CAMTA1: variants seen among roughly 807,000 people sequenced by gnomAD.
CAMTA1 encodes calmodulin binding transcription activator 1, also known as calmodulin-binding transcription activator 1.
CAMTA1 carries 27 observed loss-of-function variants against 170.9 expected under a neutral mutation model. That is an observed-to-expected ratio of 0.16 (90% CI 0.12 to 0.22). CAMTA1 has a LOEUF of 0.22. Ranked by LOEUF, CAMTA1 falls within the 10% of genes least tolerant of loss-of-function variation. The pLI, the probability that CAMTA1 is intolerant of heterozygous loss-of-function variation, is 1.00. For missense variants in CAMTA1, 1,619 were observed against 2,217.2 expected, an observed-to-expected ratio of 0.73 and a Z score of 5.42; for synonymous variants, 833 against 891.5, an observed-to-expected ratio of 0.93 and a Z score of 1.17.
intron 6 of CAMTA1, among the ~76,000 whole-genome samples, chr1:7,489,956 C>T (rs1557799600): frequency 6.6e-6 from 1 of 152,130 alleles, no homozygotes; most frequent in Non-Finnish European, 1.5e-5. Flanking sequence ...TCAGCGGTTA[C>T]GGGAGGGCAC....
intron 3 of CAMTA1, among the ~76,000 whole-genome samples, chr1:6,966,088 C>T (rs1297577831): frequency 6.6e-6 from 1 of 152,088 alleles, no homozygotes; most frequent in Admixed American, 6.6e-5. Flanking sequence ...GGCCAGGTGC[C>T]TGTCACAGGC....
Position 7,610,006 on chromosome 1 carries a change from G to A in CAMTA1, c.511-30394G>A, listed in dbSNP as rs578095397. 2.6e-5 allele frequency among the ~76,000 whole-genome samples: 4 copies of A among 152,348 alleles called. No individual in the cohort carries two copies. The South Asian group carries it at 8.3e-4, about 32-fold the overall frequency. ...CCTGCCGGGTCTGTCCACACTGTGT[G>A]TGCACTCACAGGAGGGAGCTGTGCA... is the stretch of plus-strand genomic sequence containing the variant. On this transcript the variant is annotated intron_variant, in intron 6 of 22. Transcript: ENST00000303635.
chr1:7,325,851 TTTGTTTG>T lies in CAMTA1; in HGVS notation c.438+76228_438+76234del, dbSNP rs1679187464. Among the ~76,000 whole-genome samples the T allele has an allele frequency of 9.7e-6, 1 of 102,746 alleles. No individual in the cohort carries two copies. The highest frequency in any genetic ancestry group is 2.4e-5 in the Non-Finnish European group (1 of 42,206). The allele number at this position is 102,746 out of a possible 152,430, so 67.4% of individuals were successfully genotyped here. On this transcript the variant is annotated intron_variant, in intron 5 of 22. Coordinates refer to ENST00000303635, the MANE Select transcript of CAMTA1 (RefSeq NM_015215.4). This position sits in a 1 kb window ranked among gnomAD's most constrained non-coding sequence, Gnocchi z 5.0. ...GTTTGGTTTGTTGTTGGTGGGTTTT[TTTGTTTG>T]TTTGTTTGTTTGTTTTATGAGGCAG...
chr1:7,197,439 A>G (rs545063537), intron 4 of CAMTA1, among the ~76,000 whole-genome samples: 2 of 152,120 alleles, frequency 1.3e-5, no homozygotes, highest in East Asian at 3.9e-4. Flanking sequence ...GGTTCGGGAG[A>G]CATCTGTTCT....
intron 5 of CAMTA1, among the ~76,000 whole-genome samples, chr1:7,339,980 C>G (rs962037227): frequency 6.6e-6 from 1 of 152,142 alleles, no homozygotes; most frequent in African/African-American, 2.4e-5. Context: ...CAGAACCTGA[C>G]CCAGGGTCCC....
chr1:7,224,697 A>G lies in CAMTA1; in HGVS notation c.303-24794A>G, dbSNP rs963064267. Among the ~76,000 whole-genome samples, 2 of 152,086 alleles carry G rather than the reference A, an allele frequency of 1.3e-5. No individual in the cohort carries two copies. The highest frequency in any genetic ancestry group is 2.9e-5 in the Non-Finnish European group (2 of 68,002). On this transcript the variant is annotated intron_variant, in intron 4 of 22. Coordinates refer to ENST00000303635, the MANE Select transcript of CAMTA1 (RefSeq NM_015215.4). The surrounding 1 kb of genome is among the most constrained non-coding windows in gnomAD (Gnocchi z 5.2). The stretch of plus-strand genomic sequence containing the variant: ...CATTGATTGCTAAGGGCAAGGCTCT[A>G]GGGTTAGTGGGGACCTGATGAAAGC...
At chr1:6,892,825 ATG>A (rs1370313580) in intron 3 of CAMTA1, among the ~76,000 whole-genome samples, 4 of 151,984 alleles carry the variant, frequency 2.6e-5, no homozygotes, top group Non-Finnish European at 5.9e-5. Context: ...GTTCTAGACT[ATG>A]AGATCTCAGT....
intron 3 of CAMTA1, among the ~76,000 whole-genome samples, chr1:6,951,563 G>A (rs1314287828): frequency 6.6e-6 from 1 of 152,088 alleles, no homozygotes; most frequent in Non-Finnish European, 1.5e-5. Flanking sequence ...GGACTATTGG[G>A]AAGAACAAAA....
chr1:7,283,234 C>T (rs1671770189), intron 5 of CAMTA1, among the ~76,000 whole-genome samples: 1 of 152,170 alleles, frequency 6.6e-6, no homozygotes, highest in Non-Finnish European at 1.5e-5. Flanking sequence ...ACAGGAGACA[C>T]CCCACCTGTG....
chr1:7,116,401 G>A (rs944705402), intron 4 of CAMTA1, among the ~76,000 whole-genome samples: 1 of 152,158 alleles, frequency 6.6e-6, no homozygotes, highest in Non-Finnish European at 1.5e-5. Context: ...GTTTGTGGGT[G>A]AGTTCTGTCT....
chr1:7,398,193 C>CTCTCTATATATATATA (rs1557651862), intron 5 of CAMTA1, among the ~76,000 whole-genome samples: 2 of 16,900 alleles, frequency 1.2e-4, no homozygotes, highest in African/African-American at 1.9e-4. Context: ...CTCTCTCTCT[C>CTCTCTATATATATATA]TATATATATA....
chr1:7,578,932 C>A (rs569519571), intron 6 of CAMTA1, among the ~76,000 whole-genome samples: 2 of 152,314 alleles, frequency 1.3e-5, no homozygotes, highest in East Asian at 3.9e-4. Flanking sequence ...ACACATTCAA[C>A]CCACAGCTGT....
At chr1:7,332,860 T>C (rs1476087029) in intron 5 of CAMTA1, among the ~76,000 whole-genome samples, 1 of 152,158 alleles carries the variant, frequency 6.6e-6, no homozygotes, top group Non-Finnish European at 1.5e-5. Flanking sequence ...ATTACTAGGC[T>C]TGCAACCCCC....
chr1:7,693,984 CA>C (rs905611320), intron 11 of CAMTA1: 31 of 152,302 alleles, frequency 2.0e-4, no homozygotes, highest in African/African-American at 6.8e-4. Context: ...TTCTGTGACA[CA>C]AGGATCCCAG....
chr1:7,717,674 G>C (rs1176037555), intron 11 of CAMTA1, among the ~76,000 whole-genome samples: 1 of 151,990 alleles, frequency 6.6e-6, no homozygotes, highest in African/African-American at 2.4e-5. Context: ...GCTGTGGTGA[G>C]TCATGTTTGC....
intron 6 of CAMTA1, among the ~76,000 whole-genome samples, chr1:7,525,014 A>G (rs2094414159): frequency 6.6e-6 from 1 of 152,116 alleles, no homozygotes; most frequent in South Asian, 2.1e-4. Context: ...TGGTACAGAA[A>G]TCAAGGGCTG....
In CAMTA1 at chr1:7,248,443, CG is replaced by C. The variant is rs994793102; in HGVS notation, c.303-1047del. Among the ~76,000 whole-genome samples, 3 of 152,220 alleles carry C rather than the reference CG, an allele frequency of 2.0e-5. No homozygotes were observed. Among genetic ancestry groups the C allele is most frequent in the Non-Finnish European group, 2.9e-5 (2 of 68,042 alleles). ...GCACTGGCCTCGTGGTGCGCAGAATCGCTGGCATTCCTCTTCCCCTGCTGCA... is the reference window on the plus strand; with the variant it reads ...GCACTGGCCTCGTGGTGCGCAGAATCCTGGCATTCCTCTTCCCCTGCTGCA... On this transcript the variant is annotated intron_variant, in intron 4 of 22. Coordinates refer to ENST00000303635, the MANE Select transcript of CAMTA1 (RefSeq NM_015215.4). The surrounding 1 kb of genome is among the most constrained non-coding windows in gnomAD (Gnocchi z 4.0).
At chr1:7,503,888 CT>C (rs1472550051) in intron 6 of CAMTA1, among the ~76,000 whole-genome samples, 2 of 152,184 alleles carry the variant, frequency 1.3e-5, no homozygotes, top group African/African-American at 4.8e-5. Context: ...CTGCCCCGCA[CT>C]TGTGTCCCAG....
chr1:6,811,256 A>G (rs992118453), intron 1 of CAMTA1, among the ~76,000 whole-genome samples: 2 of 152,268 alleles, frequency 1.3e-5, no homozygotes, highest in Non-Finnish European at 2.9e-5. Context: ...ACTACAAAGT[A>G]ATATGCAAAC....
Sources: gnomAD v4.1 joint callset for allele counts (sites outside exome capture counted in the v4.1 genomes callset) on GRCh38, gnomAD v4.1.1 for gene constraint, Gnocchi (gnomAD v3.1) non-coding constraint, MANE v1.5 for transcripts, NCBI Gene and HGNC (gene_info 2026-07-23, HGNC 2026-07-21) for gene names.